Variants in MBD5 observed in about 807,000 individuals in gnomAD.
MBD5 encodes the protein methyl-CpG-binding domain protein 5.
MBD5 carries 13 observed loss-of-function variants against 117.3 expected under a neutral mutation model. The ratio of observed to expected loss-of-function variants is 0.11; its 90% CI spans 0.07 to 0.18. MBD5 has a LOEUF of 0.18. MBD5 is among the 10% of genes least tolerant of loss of function. MBD5 has a pLI of 1.00. For missense variants in MBD5, 1,879 were observed against 2,093.8 expected (o/e 0.90, Z 2.00); for synonymous variants, 727 against 766.4 (o/e 0.95, Z 0.85).
At chr2:148,295,403 A>C (rs539695541) in intron 3 of MBD5, among the ~76,000 whole-genome samples, 1 of 151,976 alleles carries the variant, frequency 6.6e-6, no homozygotes, top group South Asian at 2.1e-4. Flanking sequence ...CTCTTTTTTT[A>C]AAATCCATAG....
chr2:148,216,635 CT>C (rs925271785), intron 2 of MBD5, among the ~76,000 whole-genome samples: 2 of 152,102 alleles, frequency 1.3e-5, no homozygotes, highest in African/African-American at 4.8e-5. Flanking sequence ...CAATTATATT[CT>C]TCCCTTCTCC....
At chr2:148,443,311 G>T (rs1011863374) in intron 4 of MBD5, among the ~76,000 whole-genome samples, 2 of 151,218 alleles carry the variant, frequency 1.3e-5, no homozygotes, top group Non-Finnish European at 2.9e-5. Flanking sequence ...TGTAAATTGG[G>T]AATGTAAAGA....
At chr2:148,270,610 A>G (rs1467409119) in intron 3 of MBD5, among the ~76,000 whole-genome samples, 2 of 151,996 alleles carry the variant, frequency 1.3e-5, no homozygotes, top group Non-Finnish European at 2.9e-5. Flanking sequence ...GCTGGTCTCA[A>G]ACTCCTGACC....
chr2:148,052,216 T>G (rs1573957439), intron 1 of MBD5, among the ~76,000 whole-genome samples: 1 of 138,128 alleles, frequency 7.2e-6, no homozygotes, highest in Non-Finnish European at 1.6e-5. Flanking sequence ...GTTTTTTTTT[T>G]TTTTTTTTTT....
chr2:148,161,378 T>C (rs1483591162), intron 1 of MBD5, among the ~76,000 whole-genome samples: 1 of 152,164 alleles, frequency 6.6e-6, no homozygotes, highest in Admixed American at 6.5e-5. Context: ...ATCTGAGCCC[T>C]CCTGGTCAGC....
At chr2:148,284,963 A>G (rs1701337075) in intron 3 of MBD5, among the ~76,000 whole-genome samples, 1 of 152,170 alleles carries the variant, frequency 6.6e-6, no homozygotes, top group Non-Finnish European at 1.5e-5. Context: ...AGCCTTGGCA[A>G]ATGATAGAGT....
intron 3 of MBD5, among the ~76,000 whole-genome samples, chr2:148,286,722 T>C (rs1406077835): frequency 6.6e-6 from 1 of 152,212 alleles, no homozygotes; most frequent in East Asian, 1.9e-4. Flanking sequence ...CCTTTATTAT[T>C]ATTGTTGTTA....
At chr2:148,306,606 TA>T (rs1701902413) in intron 3 of MBD5, among the ~76,000 whole-genome samples, 1 of 152,176 alleles carries the variant, frequency 6.6e-6, no homozygotes, top group Admixed American at 6.5e-5. Flanking sequence ...AAGTTATAGA[TA>T]GTTTAAGAGA....
At chr2:148,434,459 A>T (rs895624137) in intron 4 of MBD5, among the ~76,000 whole-genome samples, 1 of 151,322 alleles carries the variant, frequency 6.6e-6, no homozygotes, top group Non-Finnish European at 1.5e-5. Context: ...TTTTAGTTGT[A>T]ATGTCAGGTT....
chr2:148,092,456 T>C (rs1049553501), intron 1 of MBD5, among the ~76,000 whole-genome samples: 1 of 152,164 alleles, frequency 6.6e-6, no homozygotes, highest in African/African-American at 2.4e-5. Flanking sequence ...ATGTGATGTG[T>C]ATGTATATAC....
chr2:148,510,110 G>A lies in MBD5; in HGVS notation c.5087G>A (p.Ser1696Asn). 6.2e-7 allele frequency: 1 copy of A among 1,612,282 alleles called. No individual in the cohort carries two copies. Among genetic ancestry groups the A allele is most frequent in the South Asian group, 1.1e-5 (1 of 91,024 alleles). ...HLEAAIHEAM[S>N]ELDKMSGTVH... ...GAAGCTGCTATTCATGAGGCCATGA[G>A]TGAACTGGACAAAATGTCTGGGACT... The change falls in exon 13 of 14, where the codon AGT (serine) becomes AAT (asparagine). Residue 1696 changes from serine to asparagine, a missense_variant. Physicochemically the swap from Ser to Asn is conservative, Grantham distance 46. Around this residue, in one of 4 missense-constraint regions of MBD5, gnomAD observed 135 missense variants for 148.0 expected, o/e 0.91. Transcript: ENST00000642680.
chr2:148,312,701 G>A (rs1430608064), intron 3 of MBD5, among the ~76,000 whole-genome samples: 1 of 152,148 alleles, frequency 6.6e-6, no homozygotes, highest in Admixed American at 6.5e-5. Context: ...TTGCTGGTGA[G>A]GAGTTGTGAT....
intron 1 of MBD5, among the ~76,000 whole-genome samples, chr2:148,106,929 C>T (rs1696387531): frequency 6.6e-6 from 1 of 151,970 alleles, no homozygotes; most frequent in Non-Finnish European, 1.5e-5. Flanking sequence ...GGTTTACTCA[C>T]ATATTTATCA....
At chr2:148,086,640 G>A (rs893078302) in intron 1 of MBD5, among the ~76,000 whole-genome samples, 1 of 152,114 alleles carries the variant, frequency 6.6e-6, no homozygotes, top group Non-Finnish European at 1.5e-5. Flanking sequence ...AGTAGGAATT[G>A]GAACAGGCTC....
intron 4 of MBD5, among the ~76,000 whole-genome samples, chr2:148,441,715 C>T (rs1453575010): frequency 6.6e-6 from 1 of 151,884 alleles, no homozygotes; most frequent in South Asian, 2.1e-4. Flanking sequence ...AGTTTACAGT[C>T]CCACCAACAG....
chr2:148,352,991 C>T (rs1180044477), intron 4 of MBD5, among the ~76,000 whole-genome samples: 2 of 151,950 alleles, frequency 1.3e-5, no homozygotes, highest in African/African-American at 2.4e-5. Flanking sequence ...TAAAATTTTA[C>T]TCAAAAGACT....
chr2:148,207,669 C>A, intron 2 of MBD5, among the ~76,000 whole-genome samples: 1 of 142,992 alleles, frequency 7.0e-6, no homozygotes, highest in Non-Finnish European at 1.5e-5. Flanking sequence ...AGGGAGCCAG[C>A]TGAGAGAGAT....
chr2:148,230,304 G>T (rs1699951673), intron 2 of MBD5, among the ~76,000 whole-genome samples: 1 of 152,098 alleles, frequency 6.6e-6, no homozygotes, highest in South Asian at 2.1e-4. Context: ...CTTTTTAAAG[G>T]CAGAAGAGCC....
intron 3 of MBD5, among the ~76,000 whole-genome samples, chr2:148,328,230 A>T (rs980629517): frequency 7.9e-5 from 12 of 152,328 alleles, no homozygotes; most frequent in African/African-American, 2.9e-4. Context: ...TGGGAGGACC[A>T]CTGCTCTCTT....
Sources: gnomAD v4.1 joint callset for allele counts (sites outside exome capture counted in the v4.1 genomes callset) on GRCh38, gnomAD v4.1.1 for gene constraint, gnomAD v4.1.1 regional missense constraint, MANE v1.5 for transcripts, NCBI Gene and HGNC (gene_info 2026-07-23, HGNC 2026-07-21) for gene names.